EGLN1: variants seen among roughly 807,000 people sequenced by gnomAD.
EGLN1 encodes the protein egl nine homolog 1.
In EGLN1, 17 loss-of-function variants were observed where a neutral mutation model predicts 38.3. The observed-to-expected ratio is 0.44, with a 90% CI of 0.30 to 0.67. The LOEUF (loss-of-function observed/expected upper bound fraction) is 0.67, where lower values mean the gene tolerates loss of function less well. EGLN1 is among the 30% of genes least tolerant of loss of function. The pLI, the probability that EGLN1 is intolerant of heterozygous loss-of-function variation, is 0.08. For missense variants in EGLN1, 477 were observed against 603.3 expected (o/e 0.79, Z 2.19); for synonymous variants, 283 against 257.5 (o/e 1.10, Z -0.95).
intron 1 of EGLN1, among the ~76,000 whole-genome samples, chr1:231,411,037 AG>A (rs1688928687): frequency 6.6e-6 from 1 of 152,182 alleles, no homozygotes; most frequent in African/African-American, 2.4e-5. Flanking sequence ...CCATTTATAG[AG>A]GAAAATTGGA....
chr1:231,385,069 G>A (rs1043958559), intron 1 of EGLN1, among the ~76,000 whole-genome samples: 3 of 152,230 alleles, frequency 2.0e-5, no homozygotes, highest in Non-Finnish European at 4.4e-5. Flanking sequence ...GAGGTGGTAA[G>A]AAGTGCTGGG....
intron 1 of EGLN1, among the ~76,000 whole-genome samples, 171 bp downstream of exon 1, chr1:231,420,827 T>C (rs1180851160): frequency 1.3e-5 from 2 of 152,076 alleles, no homozygotes; most frequent in African/African-American, 4.8e-5. Flanking sequence ...GCTAACTAGA[T>C]AAACAGCTAC....
At chr1:231,378,863 T>G (rs1315683947) in intron 1 of EGLN1, among the ~76,000 whole-genome samples, 1 of 152,234 alleles carries the variant, frequency 6.6e-6, no homozygotes, top group African/African-American at 2.4e-5. Flanking sequence ...AAAGGTTTAC[T>G]ATCTGAAAAT....
At chr1:231,420,962 G>C in intron 1 of EGLN1, 36 bp downstream of exon 1, 4 of 1,613,776 alleles carry the variant, frequency 2.5e-6, no homozygotes, top group Non-Finnish European at 2.5e-6. Flanking sequence ...CCGCCGAGAA[G>C]GGCCTGTCCA....
At chr1:231,390,230 C>T (rs1392055693) in intron 1 of EGLN1, among the ~76,000 whole-genome samples, 1 of 152,198 alleles carries the variant, frequency 6.6e-6, no homozygotes, top group Non-Finnish European at 1.5e-5. Context: ...GGCTGTGGAC[C>T]TTGGGGAAGT....
chr1:231,410,196 T>C (rs1232652531), intron 1 of EGLN1, among the ~76,000 whole-genome samples: 1 of 152,042 alleles, frequency 6.6e-6, no homozygotes, highest in East Asian at 2.0e-4. Flanking sequence ...AGTGATGGGA[T>C]GTCACTTCCA....
intron 1 of EGLN1, among the ~76,000 whole-genome samples, chr1:231,400,716 G>GA (rs777952589): frequency 2.6e-5 from 4 of 152,090 alleles, no homozygotes; most frequent in Non-Finnish European, 5.9e-5. Flanking sequence ...TTCAATAAGG[G>GA]AAAGACTCAT....
chr1:231,418,694 CA>C (rs1656426854), intron 1 of EGLN1, among the ~76,000 whole-genome samples: 1 of 151,932 alleles, frequency 6.6e-6, no homozygotes, highest in East Asian at 1.9e-4. Flanking sequence ...CCTGACTCTA[CA>C]AAAAAAATTT....
intron 1 of EGLN1, among the ~76,000 whole-genome samples, chr1:231,411,071 A>T (rs1688929836): frequency 1.3e-5 from 2 of 152,080 alleles, no homozygotes; most frequent in South Asian, 4.2e-4. Context: ...AATAAGAAAA[A>T]ATTCAGAGAG....
intron 1 of EGLN1, among the ~76,000 whole-genome samples, chr1:231,400,690 G>A (rs1283768510): frequency 6.6e-6 from 1 of 152,158 alleles, no homozygotes; most frequent in African/African-American, 2.4e-5. Context: ...TTCCAATGGT[G>A]CATTTCTGAA....
At chr1:231,369,627 C>T (rs2102893319) in intron 3 of EGLN1, 1 of 982,604 alleles carries the variant, frequency 1.0e-6, no homozygotes, top group East Asian at 1.1e-4. Context: ...AGGCAACACA[C>T]CTCAGAAGGC....
chr1:231,378,385 A>C (rs1688006573), intron 1 of EGLN1, among the ~76,000 whole-genome samples: 1 of 152,084 alleles, frequency 6.6e-6, no homozygotes, highest in Non-Finnish European at 1.5e-5. Flanking sequence ...ATCGAGAAAA[A>C]CCTATTTATA....
At position 231,380,241 on chromosome 1, in the gene EGLN1, G is replaced by A. The variant is rs532017334; in HGVS notation, c.892-6142C>T. Among the ~76,000 whole-genome samples, 13 of 150,692 alleles carry A rather than the reference G, an allele frequency of 8.6e-5. No individual in the cohort carries two copies. The South Asian group carries it at 2.1e-3, about 24-fold the overall frequency. ...AGAACTCCTTGAATGGCGTGAACCC[G>A]GGAGGCGGAGCTTGCAGTGAGCGGA... On this transcript the variant is annotated intron_variant, in intron 1 of 4. Coordinates refer to ENST00000366641, the MANE Select transcript of EGLN1 (RefSeq NM_022051.3).
intron 1 of EGLN1, among the ~76,000 whole-genome samples, chr1:231,377,542 T>C (rs1687991042): frequency 6.6e-6 from 1 of 152,184 alleles, no homozygotes; most frequent in Admixed American, 6.5e-5. Context: ...ATGGAGTCAC[T>C]GTACATGAAA....
intron 1 of EGLN1, among the ~76,000 whole-genome samples, chr1:231,420,649 C>T (rs1339891): frequency 0.18 from 28,109 of 152,030 alleles, 3,448 homozygotes; most frequent in African/African-American, 0.34. Context: ...ACTCTAACAC[C>T]CCTTCACTGG....
intron 1 of EGLN1, among the ~76,000 whole-genome samples, chr1:231,413,673 G>C (rs1426568287): frequency 1.3e-5 from 2 of 152,102 alleles, no homozygotes; most frequent in Non-Finnish European, 2.9e-5. Flanking sequence ...GGGGCTTTTT[G>C]TTGTTATTCA....
At chr1:231,394,915 A>G (rs189023449) in intron 1 of EGLN1, among the ~76,000 whole-genome samples, 55 of 152,302 alleles carry the variant, frequency 3.6e-4, no homozygotes, top group Admixed American at 3.4e-3. Context: ...TCTTTCTCCT[A>G]TATAAGGCCA....
Position 231,396,130 on chromosome 1 carries a change from A to G in EGLN1, c.892-22031T>C, listed in dbSNP as rs370874262. On this transcript the variant is annotated intron_variant, in intron 1 of 4. Coordinates refer to ENST00000366641, the MANE Select transcript of EGLN1 (RefSeq NM_022051.3). ...GTACTATTCATCTTCTTGAACCTCT[A>G]TTATTTCTTGGTCTCTAAAACACCC... Among the ~76,000 whole-genome samples the G allele has an allele frequency of 3.3e-5, 5 of 150,568 alleles. No individual in the cohort carries two copies. In the South Asian group the frequency reaches 6.3e-4, roughly 19 times the overall value.
intron 3 of EGLN1, among the ~76,000 whole-genome samples, chr1:231,370,338 T>C (rs1215866221): frequency 6.6e-6 from 1 of 152,226 alleles, no homozygotes; most frequent in African/African-American, 2.4e-5. Flanking sequence ...TCAGAGTGGC[T>C]GTGCAAAGAA....
Sources: allele counts gnomAD v4.1 joint callset (sites outside exome capture counted in the v4.1 genomes callset), GRCh38; gene constraint gnomAD v4.1.1; transcripts MANE v1.5; gene names NCBI Gene and HGNC (gene_info 2026-07-23, HGNC 2026-07-21).